KCTD17: variants seen among roughly 807,000 people sequenced by gnomAD.
KCTD17 encodes BTB/POZ domain-containing protein KCTD17.
KCTD17 carries 20 observed loss-of-function variants against 41.5 expected under a neutral mutation model. The ratio of observed to expected loss-of-function variants is 0.48; its 90% CI spans 0.34 to 0.70. The LOEUF is 0.70. KCTD17 is among the 30% of genes least tolerant of loss of function. KCTD17 has a pLI of 0.01. For missense variants in KCTD17, 317 were observed against 427.2 expected, an observed-to-expected ratio of 0.74 and a Z score of 2.27; for synonymous variants, 156 against 173.8, an observed-to-expected ratio of 0.90 and a Z score of 0.80.
At position 37,053,081 on chromosome 22, in the gene KCTD17, G is replaced by A. The variant is rs1472379188; in HGVS notation, c.190-19G>A. On this transcript the variant is annotated intron_variant, in intron 1 of 8. Coordinates refer to ENST00000403888, the MANE Select transcript of KCTD17 (RefSeq NM_001282684.2). This position sits in a 1 kb window ranked among gnomAD's most constrained non-coding sequence, Gnocchi z 4.1. ...AGAAGCCTCACTCTTCTCTCACCGAGCATCCCTCACCTCCATAGGATGAGA... is the reference window on the plus strand; with the variant it reads ...AGAAGCCTCACTCTTCTCTCACCGAACATCCCTCACCTCCATAGGATGAGA... 1.9e-6 allele frequency: 3 copies of A among 1,553,766 alleles called. No homozygotes were observed. The highest frequency in any genetic ancestry group is 2.6e-6 in the Non-Finnish European group (3 of 1,143,722).
chr22:37,061,629 G>C lies in KCTD17; in HGVS notation c.875G>C (p.Cys292Ser). 6.3e-7 allele frequency: 1 copy of C among 1,596,558 alleles called. No homozygotes were observed. Among genetic ancestry groups the C allele is most frequent in the South Asian group, 1.1e-5 (1 of 89,900 alleles). Residue 292 changes from cysteine (C) to serine (S), a missense_variant and splice_region_variant, in exon 8 of 9, where the codon TGC (cysteine) becomes TCC (serine). By Grantham distance (112) the Cys-to-Ser change is moderately radical (BLOSUM62 -1). This residue lies in a region of KCTD17 where 177 missense variants were observed against 194.4 expected (regional missense o/e 0.91). Coordinates refer to ENST00000403888, the MANE Select transcript of KCTD17 (RefSeq NM_001282684.2). This position sits in a 1 kb window ranked among gnomAD's most constrained non-coding sequence, Gnocchi z 6.6. ...PLARPQSCHP[C>S]CYKPEAPGCE... ...GCCCGCCCCCAGAGCTGCCATCCCT[G>C]GTTTGTAGCTTGGCGGTGCTGGAGG...
intron 3 of KCTD17, 82 bp from the exon 4 acceptor site, chr22:37,057,316 G>C (rs79695422): frequency 3.0e-6 from 3 of 1,014,054 alleles, no homozygotes; most frequent in African/African-American, 3.1e-5. Context: ...TGTTGCGGGG[G>C]TGGTGGCAGC....
intron 5 of KCTD17, 115 bp downstream of exon 5, chr22:37,059,553 C>A: frequency 8.1e-7 from 1 of 1,237,234 alleles, no homozygotes; most frequent in South Asian, 1.4e-5. Context: ...CGCCACCGCC[C>A]ATGCACAACC....
rs1232295880 is a variant in KCTD17 at position 37,061,851 on chromosome 22, G to A, written c.875+222G>A. 4.1e-6 allele frequency: 4 copies of A among 985,280 alleles called. No individual in the cohort carries two copies. In the African/African-American group the frequency reaches 7.0e-5, roughly 17 times the overall value. The allele number at this position is 985,280 out of a possible 1,614,324, so 61.0% of individuals were successfully genotyped here. On this transcript the variant is annotated intron_variant, in intron 8 of 8. Coordinates refer to ENST00000403888, the MANE Select transcript of KCTD17 (RefSeq NM_001282684.2). This position sits in a 1 kb window ranked among gnomAD's most constrained non-coding sequence, Gnocchi z 6.6. ...CAGAGCCAGGCTGGTGGGGAGGGAGGGACCGCTGAAGCCAGAGGCCCTGGC... is the reference window on the plus strand; with the variant it reads ...CAGAGCCAGGCTGGTGGGGAGGGAGAGACCGCTGAAGCCAGAGGCCCTGGC...
intron 4 of KCTD17, among the ~76,000 whole-genome samples, chr22:37,058,979 C>T (rs1432942903): frequency 6.6e-6 from 1 of 152,224 alleles, no homozygotes; most frequent in Non-Finnish European, 1.5e-5. Context: ...TAGAGGCCTC[C>T]GCCTGCATTT....
intron 8 of KCTD17, chr22:37,062,150 T>C: frequency 1.0e-6 from 1 of 985,208 alleles, no homozygotes; most frequent in Non-Finnish European, 1.2e-6. Flanking sequence ...AGCTGCTCCC[T>C]GTGGCTTCTT....
At chr22:37,052,884 G>A (rs948255512) in intron 1 of KCTD17, among the ~76,000 whole-genome samples, 3 of 152,202 alleles carry the variant, frequency 2.0e-5, no homozygotes, top group African/African-American at 7.2e-5. Flanking sequence ...GAGTTTCAAA[G>A]AGGCCAAATC....
chr22:37,061,757 C>T lies in KCTD17; in HGVS notation c.875+128C>T. 1 of 1,451,412 alleles carries T rather than the reference C, an allele frequency of 6.9e-7. No individual in the cohort carries two copies. The highest frequency in any genetic ancestry group is 9.1e-7 in the Non-Finnish European group (1 of 1,096,854). 89.9% of individuals were successfully genotyped at this position (1,451,412 alleles called of 1,614,324 possible). A position where few individuals can be genotyped will look rare whatever the true frequency, so the allele number is the denominator to read the frequency against. On this transcript the variant is annotated intron_variant, in intron 8 of 8. Transcript: ENST00000403888. This position sits in a 1 kb window ranked among gnomAD's most constrained non-coding sequence, Gnocchi z 6.6. ...CCAAAGTTTCTCATCCGACCTTGGC[C>T]TTGGGGGTGAGGCTCTGAGAGGAGA...
At chr22:37,058,985 C>A (rs1348558583) in intron 4 of KCTD17, among the ~76,000 whole-genome samples, 1 of 152,212 alleles carries the variant, frequency 6.6e-6, no homozygotes, top group Non-Finnish European at 1.5e-5. Context: ...CCTCCGCCTG[C>A]ATTTAGAAAA....
chr22:37,061,228 C>G lies in KCTD17; in HGVS notation c.784+53C>G. The G allele has an allele frequency of 1.3e-6, 2 of 1,548,928 alleles. No individual in the cohort carries two copies. Among genetic ancestry groups the G allele is most frequent in the Non-Finnish European group, 1.7e-6 (2 of 1,146,962 alleles). On this transcript the variant is annotated intron_variant, in intron 7 of 8. Transcript: ENST00000403888. This position sits in a 1 kb window ranked among gnomAD's most constrained non-coding sequence, Gnocchi z 6.6. ...CTTCCTCCTGGATCTCATCTGCACC[C>G]TGCCTCTTCCCTCTCTGCCCCTGTC... is the stretch of plus-strand genomic sequence containing the variant.
At position 37,063,332 on chromosome 22, in the gene KCTD17, TC is replaced by T. The variant is rs1261874758; in HGVS notation, c.*740del. 1 of 152,022 alleles carries T rather than the reference TC, an allele frequency of 6.6e-6. No homozygotes were observed. Among genetic ancestry groups the T allele is most frequent in the African/African-American group, 2.4e-5 (1 of 41,332 alleles). 9.4% of individuals were successfully genotyped at this position (152,022 alleles called of 1,614,324 possible). On this transcript the variant is annotated 3_prime_UTR_variant, in exon 9 of 9. Transcript: ENST00000403888. The surrounding 1 kb of genome is among the most constrained non-coding windows in gnomAD (Gnocchi z 4.6). ...CCTGTGTTTGACTTCCCGGGATGGG[TC>T]CTTGCTTCTCAGCTGTGTCCGACCC...
At chr22:37,055,888 T>A (rs1308927480) in intron 2 of KCTD17, among the ~76,000 whole-genome samples, 4 of 152,246 alleles carry the variant, frequency 2.6e-5, no homozygotes, top group Admixed American at 2.6e-4. Flanking sequence ...ATGATGAAAG[T>A]ACCTCCTTCT....
rs747826376 is a variant in KCTD17, at chr22:37,051,859, G to C, written c.99G>C (p.Thr33=). Residue 33 remains threonine, a synonymous_variant, in exon 1 of 9, where the codon ACG becomes ACC. Transcript: ENST00000403888. ...GGGTGCGGCTCAACGTGGGGGGCAC[G>C]GTGTTCCTGACCACCCGGCAGACGC... ...GKWVRLNVGG[T]VFLTTRQTLC... The C allele has an allele frequency of 1.4e-6, 2 of 1,475,914 alleles. No individual in the cohort carries two copies. Among genetic ancestry groups the C allele is most frequent in the Non-Finnish European group, 1.8e-6 (2 of 1,113,108 alleles). The allele number at this position is 1,475,914 out of a possible 1,614,324, so 91.4% of individuals were successfully genotyped here. A position where few individuals can be genotyped will look rare whatever the true frequency, so the allele number is the denominator to read the frequency against.
At chr22:37,052,275 C>G (rs1418706956) in intron 1 of KCTD17, 1 of 392,758 alleles carries the variant, frequency 2.5e-6, no homozygotes, top group Non-Finnish European at 4.9e-6. Flanking sequence ...GGGACTCCTG[C>G]TCTGGGGAAG....
Position 37,056,378 on chromosome 22 carries a change from C to A in KCTD17, c.357C>A (p.Asp119Glu), listed in dbSNP as rs1478621753. The change falls in exon 3 of 9, where the codon GAC becomes GAA. Residue 119 changes from aspartate (D) to glutamate (E), a missense_variant. Physicochemically the swap from Asp to Glu is conservative, Grantham distance 45. This residue lies in a region of KCTD17 where 27 missense variants were observed against 24.0 expected (regional missense o/e 1.13). Transcript: ENST00000403888. ...NIGPLIRIIKDRMEEKDYTVT... is the reference protein window; with the variant it reads ...NIGPLIRIIKERMEEKDYTVT... Reference sequence around the variant, plus strand: ...GCCCGCTGATCCGCATCATCAAAGACCGGATGGAAGAGAAGGACTACACGG... The same window carrying A: ...GCCCGCTGATCCGCATCATCAAAGAACGGATGGAAGAGAAGGACTACACGG... The A allele has an allele frequency of 1.2e-6, 2 of 1,613,496 alleles. No homozygotes were observed. Among genetic ancestry groups the A allele is most frequent in the Non-Finnish European group, 1.7e-6 (2 of 1,179,716 alleles).
In KCTD17 at chr22:37,051,960, C is replaced by A; in HGVS notation, c.189+11C>A. 2.1e-6 allele frequency: 3 copies of A among 1,451,852 alleles called. No individual in the cohort carries two copies. The highest frequency in any genetic ancestry group is 2.7e-5 in the South Asian group (2 of 74,566). The allele number at this position is 1,451,852 out of a possible 1,614,324, so 89.9% of individuals were successfully genotyped here. A position where few individuals can be genotyped will look rare whatever the true frequency, so the allele number is the denominator to read the frequency against. ...CTGCAGTCGGACCGGGTGAGGCCCC[C>A]GGGGTGGGCGGCGAGCGGGCGGTGG... On this transcript the variant is annotated intron_variant, in intron 1 of 8. Coordinates refer to ENST00000403888, the MANE Select transcript of KCTD17 (RefSeq NM_001282684.2).
At position 37,053,504 on chromosome 22, in the gene KCTD17, T is replaced by A. The variant is rs1924736501; in HGVS notation, c.298+296T>A. Among the ~76,000 whole-genome samples, 1 of 152,182 alleles carries A rather than the reference T, an allele frequency of 6.6e-6. No individual in the cohort carries two copies. Among genetic ancestry groups the A allele is most frequent in the East Asian group, 1.9e-4 (1 of 5,190 alleles). ...CCTCTGCTGTGGGCTGTGACGCCCT[T>A]TCTCTCTGGCCTCCTAGGAAGCCAG... On this transcript the variant is annotated intron_variant, in intron 2 of 8. Coordinates refer to ENST00000403888, the MANE Select transcript of KCTD17 (RefSeq NM_001282684.2). The surrounding 1 kb of genome is among the most constrained non-coding windows in gnomAD (Gnocchi z 4.1).
rs142940186 is a variant in KCTD17, at chr22:37,057,059, C to T, written c.391-339C>T. Reference sequence around the variant, plus strand: ...AGGGTGACCCAGAATGTTCCCTAAGCCCCACCCATGTTCTTTCTTGAATTA... The same window carrying T: ...AGGGTGACCCAGAATGTTCCCTAAGTCCCACCCATGTTCTTTCTTGAATTA... On this transcript the variant is annotated intron_variant, in intron 3 of 8. Coordinates refer to ENST00000403888, the MANE Select transcript of KCTD17 (RefSeq NM_001282684.2). Among the ~76,000 whole-genome samples, 545 of 152,240 alleles carry T rather than the reference C, an allele frequency of 3.6e-3. 4 individuals are homozygous for T. The highest frequency in any genetic ancestry group is 0.013 in the African/African-American group (523 of 41,524).
rs558066003 is a variant in KCTD17 at position 37,053,726 on chromosome 22, A to G, written c.298+518A>G. Among the ~76,000 whole-genome samples, 133 of 152,266 alleles carry G rather than the reference A, an allele frequency of 8.7e-4. No homozygotes were observed. Among genetic ancestry groups the G allele is most frequent in the African/African-American group, 2.9e-3 (120 of 41,548 alleles). ...CACAGTGCTGGCTGTGGGTGGAGGC[A>G]GGAGAGGGGGGAGTCTGCTTCCCAG... is the stretch of plus-strand genomic sequence containing the variant. On this transcript the variant is annotated intron_variant, in intron 2 of 8. Coordinates refer to ENST00000403888, the MANE Select transcript of KCTD17 (RefSeq NM_001282684.2). The surrounding 1 kb of genome is among the most constrained non-coding windows in gnomAD (Gnocchi z 4.1).
Sources: gnomAD v4.1 joint callset for allele counts (sites outside exome capture counted in the v4.1 genomes callset) on GRCh38, gnomAD v4.1.1 for gene constraint, gnomAD v4.1.1 regional missense constraint, Gnocchi (gnomAD v3.1) non-coding constraint, MANE v1.5 for transcripts, NCBI Gene and HGNC (gene_info 2026-07-23, HGNC 2026-07-21) for gene names.